Variants in DPRX observed in about 807,000 individuals in gnomAD.
DPRX encodes divergent-paired related homeobox, also known as divergent paired-related homeobox.
A neutral mutation model predicts 8.4 loss-of-function variants in DPRX; 11 were observed. The observed-to-expected ratio is 1.31, with a 90% CI of 0.82 to 2.17. DPRX has a LOEUF of 2.17. DPRX is among the 30% of genes most tolerant of loss of function. The pLI, the probability that DPRX is intolerant of heterozygous loss-of-function variation, is 0.00. For missense variants in DPRX, 211 were observed against 236.7 expected, an observed-to-expected ratio of 0.89 and a Z score of 0.71; for synonymous variants, 72 against 87.0, an observed-to-expected ratio of 0.83 and a Z score of 0.96.
At chr19:53,613,804 C>A in the DPRX span, among the ~76,000 whole-genome samples, 3 of 151,984 alleles carry the variant, frequency 2.0e-5, no homozygotes, top group Admixed American at 6.6e-5. Flanking sequence ...CCCTAATGAG[C>A]CCCCCTAAAT....
the DPRX span, among the ~76,000 whole-genome samples, chr19:53,624,951 C>T: frequency 1.3e-5 from 2 of 151,800 alleles, no homozygotes; most frequent in Non-Finnish European, 2.9e-5. Flanking sequence ...ACAAATCAAT[C>T]ACCTCCACCA....
At chr19:53,603,746 C>CTT in the DPRX span, among the ~76,000 whole-genome samples, 25 of 140,398 alleles carry the variant, frequency 1.8e-4, no homozygotes, top group South Asian at 4.5e-4. Context: ...TCTTTTCTTT[C>CTT]TTTTTTTTTT....
At chr19:53,601,685 T>C in the DPRX span, among the ~76,000 whole-genome samples, 1 of 151,988 alleles carries the variant, frequency 6.6e-6, no homozygotes, top group Non-Finnish European at 1.5e-5. Flanking sequence ...TTTCACCATG[T>C]TGGTCAGGCT....
intron 1 of DPRX, 152 bp downstream of exon 1, chr19:53,632,286 G>C (rs868862429): frequency 1.0e-6 from 1 of 964,068 alleles, no homozygotes; most frequent in African/African-American, 1.6e-5. Flanking sequence ...CATCGTTTTT[G>C]TTGTTGTTGT....
chr19:53,633,132 C>A (rs10715779), intron 1 of DPRX, among the ~76,000 whole-genome samples: 2 of 60,520 alleles, frequency 3.3e-5, no homozygotes, highest in African/African-American at 6.1e-5. Flanking sequence ...GTTGTCTCTA[C>A]AAAAAATACA....
chr19:53,634,630 C>G, exon 2 of DPRX: 2 of 1,614,044 alleles, frequency 1.2e-6, no homozygotes, highest in Non-Finnish European at 1.7e-6. Flanking sequence ...TACCCAAACC[C>G]CAGCCTTCAG....
the DPRX span, among the ~76,000 whole-genome samples, chr19:53,609,466 C>CAAAAA: frequency 2.8e-3 from 156 of 55,486 alleles, 1 homozygote; most frequent in Non-Finnish European, 3.9e-3. Flanking sequence ...GACTCGGTCT[C>CAAAAA]AAAAAAAAAA....
chr19:53,623,484 C>CA, the DPRX span, among the ~76,000 whole-genome samples: 1 of 151,206 alleles, frequency 6.6e-6, no homozygotes, highest in Non-Finnish European at 1.5e-5. Context: ...ACTAAAAATA[C>CA]AAAATTAGCC....
At chr19:53,624,392 GT>G in the DPRX span, among the ~76,000 whole-genome samples, 5 of 149,214 alleles carry the variant, frequency 3.4e-5, no homozygotes, top group Non-Finnish European at 7.4e-5. Context: ...ATGCCCAGCT[GT>G]TTTTTTGTTT....
At chr19:53,632,467 ATT>A (rs35312439) in intron 1 of DPRX, among the ~76,000 whole-genome samples, 59,372 of 148,132 alleles carry the variant, frequency 0.4, 11,823 homozygotes, top group Admixed American at 0.45. Context: ...CACCTGGCTA[ATT>A]TTTTTTTTTT....
chr19:53,619,436 A>C, the DPRX span, among the ~76,000 whole-genome samples: 3 of 152,094 alleles, frequency 2.0e-5, no homozygotes, highest in Non-Finnish European at 4.4e-5. Flanking sequence ...GCACTTTGTG[A>C]GGCCGAGACG....
chr19:53,635,058 G>A (rs1299106189), intron 2 of DPRX, among the ~76,000 whole-genome samples: 1 of 152,104 alleles, frequency 6.6e-6, no homozygotes, highest in African/African-American at 2.4e-5. Flanking sequence ...CTGCAGCCTC[G>A]ACCTCCCGGG....
chr19:53,616,123 A>C, the DPRX span, among the ~76,000 whole-genome samples: 3 of 151,958 alleles, frequency 2.0e-5, no homozygotes, highest in Admixed American at 2.0e-4. Flanking sequence ...GTGGTGGTGC[A>C]TGTCTGTAAT....
At chr19:53,632,288 TG>T (rs1351458349) in intron 1 of DPRX, among the ~76,000 whole-genome samples, 154 bp downstream of exon 1, 10 of 152,042 alleles carry the variant, frequency 6.6e-5, no homozygotes, top group Admixed American at 6.6e-4. Flanking sequence ...TCGTTTTTGT[TG>T]TTGTTGTTTT....
chr19:53,605,397 G>C, the DPRX span, among the ~76,000 whole-genome samples: 2 of 143,380 alleles, frequency 1.4e-5, no homozygotes. Flanking sequence ...TTTTTTTTGA[G>C]ACGGAGTCTC....
the DPRX span, among the ~76,000 whole-genome samples, chr19:53,623,321 A>ATAAT: frequency 6.8e-6 from 1 of 147,444 alleles, no homozygotes; most frequent in Non-Finnish European, 1.5e-5. Flanking sequence ...AAATAAATAA[A>ATAAT]TAAATAAATA....
chr19:53,609,466 CAAAAAAAAAAAAAAAAAAAAAAA>C, the DPRX span, among the ~76,000 whole-genome samples: 1 of 55,486 alleles, frequency 1.8e-5, no homozygotes, highest in Non-Finnish European at 3.1e-5. Flanking sequence ...GACTCGGTCT[CAAAAAAAAAAAAAAAAAAAAAAA>C]AAAAAAAACA....
the DPRX span, chr19:53,617,324 C>T: frequency 3.0e-3 from 1,746 of 579,292 alleles, 28 homozygotes; most frequent in African/African-American, 0.029. Context: ...TTTGGGAGGC[C>T]GAGGCGAGCG....
chr19:53,617,156 TTTC>T, the DPRX span: 18 of 1,104,932 alleles, frequency 1.6e-5, no homozygotes, highest in Non-Finnish European at 2.2e-5. Context: ...ACTCAATAGA[TTTC>T]TTCTTCTATT....
Sources: allele counts gnomAD v4.1 joint callset (sites outside exome capture counted in the v4.1 genomes callset), GRCh38; gene constraint gnomAD v4.1.1; transcripts MANE v1.5; gene names NCBI Gene and HGNC (gene_info 2026-07-23, HGNC 2026-07-21).